Variants in INPP5K observed in about 807,000 individuals in gnomAD.
INPP5K encodes the protein inositol polyphosphate-5-phosphatase K.
INPP5K carries 35 observed loss-of-function variants against 53.5 expected under a neutral mutation model. The ratio of observed to expected loss-of-function variants is 0.65; its 90% CI spans 0.50 to 0.87. The LOEUF is 0.87. Among genes scored for constraint, INPP5K ranks in the 40% least tolerant of loss-of-function variants. The pLI, the probability that INPP5K is intolerant of heterozygous loss-of-function variation, is 0.00. For synonymous variants in INPP5K, 253 were observed against 232.8 expected (o/e 1.09, Z -0.79); for missense variants, 550 against 586.2 (o/e 0.94, Z 0.64).
At chr17:1,498,233 T>A in intron 7 of INPP5K, 111 bp from the exon 8 acceptor site, 1 of 924,694 alleles carries the variant, frequency 1.1e-6, no homozygotes, top group Non-Finnish European at 1.6e-6. Flanking sequence ...CAGCAACTAC[T>A]GGCAGCCACA....
At position 1,508,965 on chromosome 17, in the gene INPP5K, G is replaced by C; in HGVS notation, c.554+213C>G. On this transcript the variant is annotated intron_variant, in intron 5 of 11. Transcript: ENST00000421807. ...CACTCGTGGGGGTCAGCGTGGGGCA[G>C]AGGGCGGGGAACAGTCTGCAGACCC... The C allele has an allele frequency of 8.7e-6, 4 of 459,832 alleles. No individual in the cohort carries two copies. In the East Asian group the frequency reaches 1.2e-4, roughly 14 times the overall value. 28.5% of individuals were successfully genotyped at this position (459,832 alleles called of 1,614,324 possible).
chr17:1,502,051 AAAAC>A (rs2075030115), intron 7 of INPP5K, among the ~76,000 whole-genome samples: 2 of 143,242 alleles, frequency 1.4e-5, no homozygotes, highest in Admixed American at 7.1e-5. Flanking sequence ...AAAAAAGAAA[AAAAC>A]AAACAAACAT....
chr17:1,503,246 T>C (rs1274128628), intron 7 of INPP5K, among the ~76,000 whole-genome samples: 2 of 149,764 alleles, frequency 1.3e-5, no homozygotes, highest in Admixed American at 6.7e-5. Flanking sequence ...TGCAGTGGCG[T>C]GATCTCGGCT....
At chr17:1,514,023 A>C in intron 1 of INPP5K, 44 bp from the exon 2 acceptor site, 1 of 1,420,902 alleles carries the variant, frequency 7.0e-7, no homozygotes, top group African/African-American at 1.4e-5. Context: ...AAGGAGGATA[A>C]GATAGTGCAC....
chr17:1,508,298 G>C, intron 5 of INPP5K, 72 bp from the exon 6 acceptor site: 1 of 1,236,372 alleles, frequency 8.1e-7, no homozygotes, highest in Non-Finnish European at 1.2e-6. Context: ...AGGTGGCTCA[G>C]CCTGCTCAAC....
Position 1,507,096 on chromosome 17 carries a change from A to G in INPP5K, c.667-7T>C, listed in dbSNP as rs1567558061. 1 of 1,612,104 alleles carries G rather than the reference A, an allele frequency of 6.2e-7. No homozygotes were observed. The highest frequency in any genetic ancestry group is 8.5e-7 in the Non-Finnish European group (1 of 1,178,296). ...GTTTCTTGGCAATGCTGAGCTGCAG[A>G]CAAAGTCATAGTCCCCGTCTCCCAG... On this transcript the variant is annotated splice_region_variant and splice_polypyrimidine_tract_variant and intron_variant, in intron 6 of 11. Coordinates refer to ENST00000421807, the MANE Select transcript of INPP5K (RefSeq NM_016532.4).
intron 5 of INPP5K, 79 bp from the exon 6 acceptor site, chr17:1,508,305 C>T (rs2075213808): frequency 9.1e-7 from 1 of 1,100,290 alleles, no homozygotes; most frequent in Non-Finnish European, 1.4e-6. Context: ...TCAGCCTGCT[C>T]AACCCAAGGG....
At chr17:1,497,188 C>T (rs560342709) in intron 8 of INPP5K, among the ~76,000 whole-genome samples, 141 of 152,312 alleles carry the variant, frequency 9.3e-4, no homozygotes, top group Non-Finnish European at 1.5e-3. Context: ...AAGAACACAA[C>T]GCAGATACCA....
At chr17:1,510,884 C>T (rs1365629990) in intron 3 of INPP5K, among the ~76,000 whole-genome samples, 1 of 152,102 alleles carries the variant, frequency 6.6e-6, no homozygotes, top group Non-Finnish European at 1.5e-5. Context: ...CCTCTATAAT[C>T]CCAAAGTGCT....
At chr17:1,499,555 G>A (rs2074952326) in intron 7 of INPP5K, among the ~76,000 whole-genome samples, 1 of 152,190 alleles carries the variant, frequency 6.6e-6, no homozygotes, top group Non-Finnish European at 1.5e-5. Context: ...TTTCCCTGAG[G>A]GGTTTGGAAA....
intron 7 of INPP5K, among the ~76,000 whole-genome samples, chr17:1,505,719 C>T (rs2075137639): frequency 6.6e-6 from 1 of 152,186 alleles, no homozygotes; most frequent in Non-Finnish European, 1.5e-5. Flanking sequence ...CTTGGTCTGG[C>T]TGTGGAGATA....
At chr17:1,497,154 T>C (rs1489669238) in intron 8 of INPP5K, among the ~76,000 whole-genome samples, 2 of 152,214 alleles carry the variant, frequency 1.3e-5, no homozygotes, top group Non-Finnish European at 2.9e-5. Flanking sequence ...GGGGATGCTC[T>C]GGTGAGAACA....
chr17:1,511,865 T>A (rs1473800519), intron 3 of INPP5K, among the ~76,000 whole-genome samples: 2 of 8,866 alleles, frequency 2.3e-4, no homozygotes, highest in African/African-American at 1.0e-3. Flanking sequence ...AGCAGGGAAG[T>A]GGGGGCGGGG....
Position 1,498,080 on chromosome 17 carries a change from C to T in INPP5K, c.819G>A (p.Trp273Ter), listed in dbSNP as rs1391301999. Residue 273 changes from tryptophan to a stop codon, truncating the protein, a stop_gained, in exon 8 of 12, where the codon TGG (tryptophan) becomes TGA (stop). Transcript: ENST00000421807. LOFTEE classifies it high-confidence loss of function. Reference sequence around the variant, plus strand: ...CAGCACAGGGCTGCCGCTTCAGCCTCCACAGGATGCGATCGGTCCATGCAG... The same window carrying T: ...CAGCACAGGGCTGCCGCTTCAGCCTTCACAGGATGCGATCGGTCCATGCAG... The part of the protein sequence containing the change: ...RKPAWTDRIL[W>*]RLKRQPCAGP... 3 of 1,613,834 alleles carry T rather than the reference C, an allele frequency of 1.9e-6. No individual in the cohort carries two copies. The African/African-American group carries it at 4.0e-5, about 22-fold the overall frequency.
chr17:1,511,186 C>CT (rs1232275823), intron 3 of INPP5K, among the ~76,000 whole-genome samples: 2 of 152,186 alleles, frequency 1.3e-5, no homozygotes, highest in African/African-American at 4.8e-5. Context: ...AGTGCCTCCT[C>CT]TCTCATTTAC....
At chr17:1,506,875 C>A in intron 7 of INPP5K, 105 bp downstream of exon 7, 1 of 776,666 alleles carries the variant, frequency 1.3e-6, no homozygotes, top group Non-Finnish European at 2.1e-6. Flanking sequence ...ATGACTAGAC[C>A]AATTCCTGCC....
In INPP5K at chr17:1,496,683, A is replaced by C. The variant is rs1452544176; in HGVS notation, c.1084T>G (p.Trp362Gly). 2 of 1,614,206 alleles carry C rather than the reference A, an allele frequency of 1.2e-6. No homozygotes were observed. Among genetic ancestry groups the C allele is most frequent in the East Asian group, 4.5e-5 (2 of 44,894 alleles). Residue 362 changes from tryptophan to glycine, a missense_variant, in exon 9 of 12, where the codon TGG becomes GGG. Transcript: ENST00000421807. ...TSDFPSSPWD[W>G]IGLYKVGLRD... ...CACATCACCTTGTACAGTCCAATCC[A>C]GTCCCACGGGCTGCTGGGGAAGTCC...
At chr17:1,513,787 G>A (rs2075366068) in intron 2 of INPP5K, 85 bp downstream of exon 2, 3 of 1,103,968 alleles carry the variant, frequency 2.7e-6, no homozygotes, top group Non-Finnish European at 4.0e-6. Flanking sequence ...TCAGACTCCA[G>A]AGCGGAGGAG....
At chr17:1,513,590 C>G (rs2075359038) in intron 2 of INPP5K, 29 bp from the exon 3 acceptor site, 1 of 1,578,812 alleles carries the variant, frequency 6.3e-7, no homozygotes, top group East Asian at 2.2e-5. Flanking sequence ...AGGCTTGGCC[C>G]CTGGCCTCCA....
Sources: gnomAD v4.1 joint callset for allele counts (sites outside exome capture counted in the v4.1 genomes callset) on GRCh38, gnomAD v4.1.1 for gene constraint, MANE v1.5 for transcripts, NCBI Gene and HGNC (gene_info 2026-07-23, HGNC 2026-07-21) for gene names.